Variants in GABRG3 observed in about 807,000 individuals in gnomAD.
The protein encoded by GABRG3 is gamma-aminobutyric acid type A receptor subunit gamma3, also known as gamma-aminobutyric acid receptor subunit gamma-3.
A neutral mutation model predicts 48.8 loss-of-function variants in GABRG3; 25 were observed. The ratio of observed to expected loss-of-function variants is 0.51; its 90% CI spans 0.37 to 0.72. The LOEUF is 0.72. Among genes scored for constraint, GABRG3 ranks in the 30% least tolerant of loss-of-function variants. The pLI is 0.00. For synonymous variants in GABRG3, 227 were observed against 217.6 expected, an observed-to-expected ratio of 1.04 and a Z score of -0.38; for missense variants, 394 against 577.9, an observed-to-expected ratio of 0.68 and a Z score of 3.26.
intron 3 of GABRG3, among the ~76,000 whole-genome samples, chr15:27,317,688 A>G (rs1446799598): frequency 6.6e-6 from 1 of 152,220 alleles, no homozygotes; most frequent in Non-Finnish European, 1.5e-5. Context: ...GACTGTGACC[A>G]ACTTCACGCT....
At chr15:27,347,471 T>C (rs559565655) in intron 5 of GABRG3, among the ~76,000 whole-genome samples, 2 of 152,294 alleles carry the variant, frequency 1.3e-5, no homozygotes, top group Middle Eastern at 3.4e-3. Flanking sequence ...CCCTGCTTAC[T>C]ATGCCCACTC....
At position 27,541,194 on chromosome 15, in the gene GABRG3, A is replaced by G. The variant is rs1014445143; in HGVS notation, c.*8313A>G. 8 of 152,230 alleles carry G rather than the reference A, an allele frequency of 5.3e-5. No homozygotes were observed. Among genetic ancestry groups the G allele is most frequent in the Admixed American group, 2.0e-4 (3 of 15,282 alleles). The allele number at this position is 152,230 out of a possible 1,614,324, so 9.4% of individuals were successfully genotyped here. A position where few individuals can be genotyped will look rare whatever the true frequency, so the allele number is the denominator to read the frequency against. On this transcript the variant is annotated 3_prime_UTR_variant, in exon 10 of 10. Transcript: ENST00000615808. ...AGCATCACTGTTGTGACCGGGGTGC[A>G]CACCTGGGCGACTCCTTGATCATTC...
chr15:27,344,152 G>A (rs988406185), intron 5 of GABRG3, among the ~76,000 whole-genome samples: 3 of 152,166 alleles, frequency 2.0e-5, no homozygotes, highest in African/African-American at 7.2e-5. Flanking sequence ...TCTGTTCTGA[G>A]GGGTCTGGGG....
intron 3 of GABRG3, among the ~76,000 whole-genome samples, chr15:27,173,207 T>C (rs1887630402): frequency 6.6e-6 from 1 of 152,204 alleles, no homozygotes; most frequent in Non-Finnish European, 1.5e-5. Flanking sequence ...CAGGTCTTCC[T>C]TCCTGTTGTA....
rs1888973314 is a variant in GABRG3 at position 27,447,364 on chromosome 15, A to G, written c.575-33286A>G. On this transcript the variant is annotated intron_variant, in intron 5 of 9. Transcript: ENST00000615808. The surrounding 1 kb of genome is among the most constrained non-coding windows in gnomAD (Gnocchi z 4.0). ...CACAGGCCTGGTGGCCTCGCTTAGC[A>G]AGGGGACATTTATGCTATGGGAAAT... Among the ~76,000 whole-genome samples, 1 of 152,192 alleles carries G rather than the reference A, an allele frequency of 6.6e-6. No individual in the cohort carries two copies. Among genetic ancestry groups the G allele is most frequent in the Non-Finnish European group, 1.5e-5 (1 of 68,030 alleles).
intron 2 of GABRG3, among the ~76,000 whole-genome samples, chr15:26,978,027 A>G (rs1342523627): frequency 6.6e-6 from 1 of 152,190 alleles, no homozygotes; most frequent in Non-Finnish European, 1.5e-5. Context: ...TAATAGGTAT[A>G]TATTTAATAG....
At position 27,026,738 on chromosome 15, in the gene GABRG3, G is replaced by A. The variant is rs375984053; in HGVS notation, c.203-16G>A. The A allele has an allele frequency of 3.7e-6, 6 of 1,601,144 alleles. No individual in the cohort carries two copies. The South Asian group carries it at 5.6e-5, about 15-fold the overall frequency. On this transcript the variant is annotated splice_polypyrimidine_tract_variant and intron_variant, in intron 2 of 9. Coordinates refer to ENST00000615808, the MANE Select transcript of GABRG3 (RefSeq NM_033223.5). ...TCCGGCACGAAGTATTAACATACATGTATTTTTCTCCACAGTAAAACCGAC... is the reference window on the plus strand; with the variant it reads ...TCCGGCACGAAGTATTAACATACATATATTTTTCTCCACAGTAAAACCGAC...
chr15:27,224,535 G>A (rs1004245255), intron 3 of GABRG3, among the ~76,000 whole-genome samples: 1 of 152,142 alleles, frequency 6.6e-6, no homozygotes, highest in African/African-American at 2.4e-5. Flanking sequence ...TAAAGCCCAG[G>A]GTGATGTCAT....
At chr15:27,237,059 CA>C (rs1265114469) in intron 3 of GABRG3, among the ~76,000 whole-genome samples, 1 of 152,224 alleles carries the variant, frequency 6.6e-6, no homozygotes, top group Non-Finnish European at 1.5e-5. Context: ...TCATTTGACG[CA>C]CTCTGAATCA....
chr15:27,249,520 C>T (rs934801990), intron 3 of GABRG3, among the ~76,000 whole-genome samples: 13 of 152,146 alleles, frequency 8.5e-5, no homozygotes, highest in Admixed American at 1.3e-4. Flanking sequence ...CAGCTGCCCC[C>T]GGTTACGACA....
intron 3 of GABRG3, among the ~76,000 whole-genome samples, chr15:27,314,820 A>G (rs1893156602): frequency 6.6e-6 from 1 of 152,340 alleles, no homozygotes; most frequent in East Asian, 1.9e-4. Flanking sequence ...TAGTTAAAGC[A>G]TGATTCCACT....
Position 26,975,826 on chromosome 15 carries a change from C to T in GABRG3, c.54-1176C>T, listed in dbSNP as rs1322351837. On this transcript the variant is annotated intron_variant, in intron 1 of 9. Transcript: ENST00000615808. The surrounding 1 kb of genome is among the most constrained non-coding windows in gnomAD (Gnocchi z 4.6). ...TTCATATACAGTCAGGACAAATCCGCTTCCGTGCAGTTTTCAATTCTTTTT... is the reference window on the plus strand; with the variant it reads ...TTCATATACAGTCAGGACAAATCCGTTTCCGTGCAGTTTTCAATTCTTTTT... Among the ~76,000 whole-genome samples the T allele has an allele frequency of 6.6e-6, 1 of 152,174 alleles. No individual in the cohort carries two copies. Among genetic ancestry groups the T allele is most frequent in the Non-Finnish European group, 1.5e-5 (1 of 68,018 alleles).
chr15:27,369,760 T>TCG (rs1315875975), intron 5 of GABRG3, among the ~76,000 whole-genome samples: 1,770 of 140,098 alleles, frequency 0.013, 31 homozygotes, highest in Middle Eastern at 0.027. Flanking sequence ...TGAGCTGAGA[T>TCG]TGCACCACTG....
At chr15:27,245,440 T>G (rs1890240622) in intron 3 of GABRG3, among the ~76,000 whole-genome samples, 1 of 152,184 alleles carries the variant, frequency 6.6e-6, no homozygotes. Flanking sequence ...TATATTGAGT[T>G]GTTGAAATTA....
At chr15:27,003,563 C>G (rs1411280890) in intron 2 of GABRG3, among the ~76,000 whole-genome samples, 1 of 152,112 alleles carries the variant, frequency 6.6e-6, no homozygotes, top group Non-Finnish European at 1.5e-5. Flanking sequence ...CAACAGGATC[C>G]CAAGGCAGAA....
At chr15:27,202,082 C>T (rs949191709) in intron 3 of GABRG3, among the ~76,000 whole-genome samples, 10 of 152,176 alleles carry the variant, frequency 6.6e-5, no homozygotes, top group Non-Finnish European at 2.9e-5. Flanking sequence ...TTCCCCATCT[C>T]CTCTCTGCTT....
At chr15:27,248,373 G>A (rs921702322) in intron 3 of GABRG3, among the ~76,000 whole-genome samples, 1 of 152,114 alleles carries the variant, frequency 6.6e-6, no homozygotes, top group Non-Finnish European at 1.5e-5. Context: ...TGGCTGATGG[G>A]TCCACAGGGC....
chr15:27,131,220 G>A (rs143001564), intron 3 of GABRG3, among the ~76,000 whole-genome samples: 40 of 152,096 alleles, frequency 2.6e-4, no homozygotes, highest in African/African-American at 8.4e-4. Context: ...TCTGTTCTGA[G>A]TCTTTGAGTG....
intron 9 of GABRG3, chr15:27,530,478 T>C (rs910457098): frequency 5.3e-6 from 2 of 377,894 alleles, no homozygotes; most frequent in African/African-American, 2.1e-5. Flanking sequence ...TTCAGTCTTA[T>C]AAAATGGAAT....
Sources: allele counts gnomAD v4.1 joint callset (sites outside exome capture counted in the v4.1 genomes callset), GRCh38; gene constraint gnomAD v4.1.1; non-coding constraint Gnocchi (gnomAD v3.1); transcripts MANE v1.5; gene names NCBI Gene and HGNC (gene_info 2026-07-23, HGNC 2026-07-21).